The following CDH13 variants were observed in gnomAD, a reference collection of about 807,000 sequenced individuals.
The protein encoded by CDH13 is cadherin-13.
CDH13 carries 24 observed loss-of-function variants against 63.8 expected under a neutral mutation model. The ratio of observed to expected loss-of-function variants is 0.38; its 90% CI spans 0.27 to 0.53. CDH13 has a LOEUF of 0.53. Among genes scored for constraint, CDH13 ranks in the 20% least tolerant of loss-of-function variants. CDH13 has a pLI of 0.85. For synonymous variants in CDH13, 503 were observed against 355.3 expected, an observed-to-expected ratio of 1.42 and a Z score of -4.67; for missense variants, 1,049 against 903.1, an observed-to-expected ratio of 1.16 and a Z score of -2.07.
At chr16:83,078,263 G>A (rs945668292) in intron 3 of CDH13, among the ~76,000 whole-genome samples, 2 of 152,096 alleles carry the variant, frequency 1.3e-5, no homozygotes, top group African/African-American at 2.4e-5. Flanking sequence ...TCTGTTCTCT[G>A]TTCTGTAAAC....
At chr16:82,803,733 G>C in intron 1 of CDH13, among the ~76,000 whole-genome samples, 1 of 152,254 alleles carries the variant, frequency 6.6e-6, no homozygotes, top group Admixed American at 6.5e-5. Context: ...CAGAAGGACA[G>C]AAACTGCAGG....
intron 2 of CDH13, among the ~76,000 whole-genome samples, chr16:82,996,790 GGGTAAT>G (rs777510813): frequency 2.6e-5 from 4 of 151,080 alleles, no homozygotes; most frequent in African/African-American, 4.9e-5. Flanking sequence ...GTGATGGTGG[GGGTAAT>G]GGTGATGGTG....
intron 6 of CDH13, among the ~76,000 whole-genome samples, chr16:83,360,352 G>T (rs902645326): frequency 4.6e-5 from 7 of 152,180 alleles, no homozygotes; most frequent in African/African-American, 1.4e-4. Context: ...AATACACGTA[G>T]CAGCAGGGCT....
intron 5 of CDH13, among the ~76,000 whole-genome samples, chr16:83,271,474 C>T (rs190944247): frequency 1.2e-5 from 1 of 85,078 alleles, no homozygotes; most frequent in East Asian, 3.8e-4. Flanking sequence ...TGTTAGAGCC[C>T]CAATCCTGCA....
At chr16:83,274,798 G>A (rs1412513583) in intron 5 of CDH13, among the ~76,000 whole-genome samples, 1 of 152,170 alleles carries the variant, frequency 6.6e-6, no homozygotes, top group Admixed American at 6.5e-5. Context: ...CTCCATGGGT[G>A]TGAACTATAA....
At chr16:83,729,906 G>A (rs114053186) in intron 10 of CDH13, among the ~76,000 whole-genome samples, 2,254 of 152,250 alleles carry the variant, frequency 0.015, 44 homozygotes, top group African/African-American at 0.049. Context: ...TGGCACACAG[G>A]GCTTCATACA....
At chr16:83,120,084 C>G (rs971944407) in intron 3 of CDH13, among the ~76,000 whole-genome samples, 1 of 151,986 alleles carries the variant, frequency 6.6e-6, no homozygotes, top group Non-Finnish European at 1.5e-5. Flanking sequence ...AGAGAGTCGA[C>G]ATGCACATGG....
At chr16:82,715,639 C>G (rs994979374) in intron 1 of CDH13, among the ~76,000 whole-genome samples, 1 of 152,108 alleles carries the variant, frequency 6.6e-6, no homozygotes, top group Non-Finnish European at 1.5e-5. Context: ...AAATACACAT[C>G]CCCACCGTCT....
At chr16:82,705,244 C>T (rs781589995) in intron 1 of CDH13, 13 of 443,820 alleles carry the variant, frequency 2.9e-5, no homozygotes, top group Non-Finnish European at 4.5e-5. Flanking sequence ...GGACAAGGTG[C>T]GGCTGCACTT....
chr16:82,790,644 G>C (rs1173543516), intron 1 of CDH13, among the ~76,000 whole-genome samples: 1 of 152,138 alleles, frequency 6.6e-6, no homozygotes, highest in African/African-American at 2.4e-5. Flanking sequence ...ATTTATAAAG[G>C]AAAGAGGTTT....
intron 6 of CDH13, among the ~76,000 whole-genome samples, chr16:83,427,161 G>T (rs1202430973): frequency 6.6e-6 from 1 of 151,890 alleles, no homozygotes; most frequent in African/African-American, 2.4e-5. Context: ...TGATCCGCCT[G>T]CCTCAGCCTC....
At chr16:83,103,634 G>A (rs1026834523) in intron 3 of CDH13, among the ~76,000 whole-genome samples, 1 of 152,204 alleles carries the variant, frequency 6.6e-6, no homozygotes, top group Non-Finnish European at 1.5e-5. Context: ...AATGGCCTGT[G>A]TTCAAATGCT....
intron 4 of CDH13, among the ~76,000 whole-genome samples, chr16:83,209,120 C>G (rs1222920431): frequency 6.6e-6 from 1 of 152,150 alleles, no homozygotes; most frequent in Non-Finnish European, 1.5e-5. Context: ...TTGGATGCTT[C>G]CATACAGGGG....
At chr16:83,303,736 G>T (rs1033948731) in intron 5 of CDH13, among the ~76,000 whole-genome samples, 1 of 152,150 alleles carries the variant, frequency 6.6e-6, no homozygotes, top group South Asian at 2.1e-4. Flanking sequence ...AAACCTTGAG[G>T]CTACTGCTTC....
At chr16:83,366,547 C>T (rs900005099) in intron 6 of CDH13, among the ~76,000 whole-genome samples, 2 of 152,146 alleles carry the variant, frequency 1.3e-5, no homozygotes, top group Non-Finnish European at 2.9e-5. Context: ...ATCACACTGA[C>T]AGAACGACAT....
intron 5 of CDH13, among the ~76,000 whole-genome samples, chr16:83,337,012 C>T (rs946345609): frequency 2.0e-5 from 3 of 152,172 alleles, no homozygotes; most frequent in Admixed American, 6.5e-5. Context: ...GAGAGGATGA[C>T]TCAAATGAAG....
chr16:82,788,572 AT>A (rs2036136272), intron 1 of CDH13, among the ~76,000 whole-genome samples: 1 of 152,178 alleles, frequency 6.6e-6, no homozygotes, highest in South Asian at 2.1e-4. Flanking sequence ...GAACACTTAC[AT>A]TTTCTGACAA....
intron 7 of CDH13, among the ~76,000 whole-genome samples, chr16:83,543,750 A>C (rs1027806691): frequency 6.6e-6 from 1 of 152,194 alleles, no homozygotes; most frequent in East Asian, 1.9e-4. Flanking sequence ...CATCTAATGG[A>C]CAGTGGCCAG....
intron 5 of CDH13, among the ~76,000 whole-genome samples, chr16:83,271,985 T>G (rs1289371375): frequency 6.6e-6 from 1 of 152,188 alleles, no homozygotes; most frequent in African/African-American, 2.4e-5. Context: ...GTAATAAACA[T>G]TTGTCTTGTG....
Sources: gnomAD v4.1 joint callset for allele counts (sites outside exome capture counted in the v4.1 genomes callset) on GRCh38, gnomAD v4.1.1 for gene constraint, MANE v1.5 for transcripts, NCBI Gene and HGNC (gene_info 2026-07-23, HGNC 2026-07-21) for gene names.